The following MAN2A1 variants were observed in gnomAD, a reference collection of about 807,000 sequenced individuals.
MAN2A1 encodes alpha-mannosidase 2.
A neutral mutation model predicts 142.6 loss-of-function variants in MAN2A1; 76 were observed. The ratio of observed to expected loss-of-function variants is 0.53; its 90% CI spans 0.44 to 0.65. The LOEUF (loss-of-function observed/expected upper bound fraction) is 0.65. Ranked by LOEUF, MAN2A1 falls within the 30% of genes least tolerant of loss-of-function variation. The probability of loss-of-function intolerance (pLI) is 0.00; values close to 1 mark genes in which losing one functional copy is unlikely to be tolerated. For synonymous variants in MAN2A1, 559 were observed against 473.2 expected, an observed-to-expected ratio of 1.18 and a Z score of -2.35; for missense variants, 1,311 against 1,365.1, an observed-to-expected ratio of 0.96 and a Z score of 0.62.
Position 109,789,457 on chromosome 5 carries a change from T to C in MAN2A1, c.1876-3T>C. ...ATTAAAAAATTACTGTTCATTTTTA[T>C]AGGATTTGAAACAAAAATCACAAGA... On this transcript the variant is annotated splice_polypyrimidine_tract_variant and splice_region_variant and intron_variant, in intron 11 of 21. Coordinates refer to ENST00000261483, the MANE Select transcript of MAN2A1 (RefSeq NM_002372.4). 6.4e-7 allele frequency: 1 copy of C among 1,555,942 alleles called. No homozygotes were observed. The highest frequency in any genetic ancestry group is 8.8e-7 in the Non-Finnish European group (1 of 1,138,668).
At chr5:109,826,893 G>A (rs1442703637) in intron 16 of MAN2A1, among the ~76,000 whole-genome samples, 3 of 152,242 alleles carry the variant, frequency 2.0e-5, no homozygotes, top group Non-Finnish European at 4.4e-5. Flanking sequence ...TGATCAAAAT[G>A]CATAGACAAA....
At chr5:109,711,301 G>A (rs118137454) in intron 1 of MAN2A1, among the ~76,000 whole-genome samples, 31 of 152,302 alleles carry the variant, frequency 2.0e-4, no homozygotes, top group East Asian at 1.9e-3. Context: ...TGTATCTTCA[G>A]TATTGGAATT....
Position 109,716,264 on chromosome 5 carries a change from G to A in MAN2A1, c.535G>A (p.Gly179Ser), listed in dbSNP as rs745711699. The A allele has an allele frequency of 6.3e-7, 1 of 1,595,676 alleles. No individual in the cohort carries two copies. The highest frequency in any genetic ancestry group is 8.5e-7 in the Non-Finnish European group (1 of 1,171,574). The change falls in exon 3 of 22, where the codon GGT (glycine) becomes AGT (serine). Residue 179 changes from glycine to serine, a missense_variant and splice_region_variant. This residue lies in a region of MAN2A1 where 409 missense variants were observed against 412.7 expected (regional missense o/e 0.99). Transcript: ENST00000261483. ...GGTGCCTCATTCCCATAACGACCCA[G>A]GTAAAATTTGCACTTCAAAAAGACA... The part of the protein sequence containing the change: ...FVVPHSHNDP[G>S]WLKTFNDYFR...
At position 109,710,108 on chromosome 5, in the gene MAN2A1, AT is replaced by A. The variant is rs1751253559; in HGVS notation, c.136-3410del. Among the ~76,000 whole-genome samples the A allele has an allele frequency of 2.0e-5, 3 of 152,172 alleles. No individual in the cohort carries two copies. In the South Asian group the frequency reaches 6.2e-4, roughly 31 times the overall value. On this transcript the variant is annotated intron_variant, in intron 1 of 21. Transcript: ENST00000261483. ...TTTTAAAAATGATGTTCTTTAGACC[AT>A]TGTGTGCATATATCCCTAGGCCATA...
chr5:109,694,509 C>A (rs1750757446), intron 1 of MAN2A1, among the ~76,000 whole-genome samples: 1 of 151,978 alleles, frequency 6.6e-6, no homozygotes, highest in Admixed American at 6.6e-5. Flanking sequence ...CTGTGCCCAG[C>A]CAGTTTTAAA....
At chr5:109,770,660 T>A in intron 7 of MAN2A1, 119 bp downstream of exon 7, 4 of 899,252 alleles carry the variant, frequency 4.4e-6, no homozygotes, top group Non-Finnish European at 6.7e-6. Flanking sequence ...TTTGAAGTAT[T>A]CATTCAAACC....
At chr5:109,701,663 T>C (rs1463690844) in intron 1 of MAN2A1, among the ~76,000 whole-genome samples, 3 of 152,266 alleles carry the variant, frequency 2.0e-5, no homozygotes, top group South Asian at 4.1e-4. Flanking sequence ...TGAGGTAATA[T>C]AGACATAAGG....
intron 19 of MAN2A1, among the ~76,000 whole-genome samples, chr5:109,848,489 C>A (rs931248176): frequency 4.6e-5 from 7 of 152,186 alleles, no homozygotes; most frequent in Non-Finnish European, 2.9e-5. Flanking sequence ...AGCCAGTGAT[C>A]GTACCTTTCA....
chr5:109,703,482 A>G (rs985494563), intron 1 of MAN2A1, among the ~76,000 whole-genome samples: 1 of 152,242 alleles, frequency 6.6e-6, no homozygotes, highest in Non-Finnish European at 1.5e-5. Context: ...CTGAAAGCAT[A>G]TCACATGAAC....
intron 3 of MAN2A1, among the ~76,000 whole-genome samples, chr5:109,717,999 G>A (rs907063806): frequency 6.6e-6 from 1 of 152,146 alleles, no homozygotes; most frequent in Admixed American, 6.5e-5. Flanking sequence ...GATCTAGATG[G>A]CTTATGGCAC....
chr5:109,826,969 T>C (rs996047172), intron 16 of MAN2A1, among the ~76,000 whole-genome samples: 1 of 152,242 alleles, frequency 6.6e-6, no homozygotes, highest in African/African-American at 2.4e-5. Context: ...TAGATTGGCT[T>C]TTAGCTAGTA....
intron 4 of MAN2A1, among the ~76,000 whole-genome samples, chr5:109,753,385 G>GT (rs1405197065): frequency 5.9e-5 from 9 of 152,234 alleles, no homozygotes; most frequent in South Asian, 2.1e-4. Flanking sequence ...AAAGAAGGGC[G>GT]TTTTTTAGAA....
At chr5:109,779,937 C>T (rs1382301591) in intron 8 of MAN2A1, among the ~76,000 whole-genome samples, 3 of 152,148 alleles carry the variant, frequency 2.0e-5, no homozygotes, top group African/African-American at 7.2e-5. Flanking sequence ...AACTAGATTA[C>T]AGTCACTTAT....
Position 109,797,352 on chromosome 5 carries a change from C to T in MAN2A1, c.1943+7825C>T, listed in dbSNP as rs1018015206. ...GTGAAACACTGAAACAAAAAGATGACAAAAAATGAAAATGAAAATATTTGG... is the reference window on the plus strand; with the variant it reads ...GTGAAACACTGAAACAAAAAGATGATAAAAAATGAAAATGAAAATATTTGG... On this transcript the variant is annotated intron_variant, in intron 12 of 21. Transcript: ENST00000261483. Among the ~76,000 whole-genome samples the T allele has an allele frequency of 2.0e-5, 3 of 151,342 alleles. No homozygotes were observed. The East Asian group carries it at 5.8e-4, about 29-fold the overall frequency.
chr5:109,749,069 G>T (rs1443329734), intron 4 of MAN2A1, among the ~76,000 whole-genome samples: 1 of 151,998 alleles, frequency 6.6e-6, no homozygotes. Flanking sequence ...ATGTCATCTT[G>T]TATTATTTCC....
At chr5:109,718,015 AT>A (rs895252750) in intron 3 of MAN2A1, among the ~76,000 whole-genome samples, 13 of 152,160 alleles carry the variant, frequency 8.5e-5, no homozygotes, top group African/African-American at 3.1e-4. Flanking sequence ...GGCACTGCAG[AT>A]TTTTTTTCTC....
intron 16 of MAN2A1, among the ~76,000 whole-genome samples, chr5:109,824,141 A>G (rs1754700493): frequency 6.6e-6 from 1 of 152,186 alleles, no homozygotes; most frequent in African/African-American, 2.4e-5. Flanking sequence ...TTTTGATTTT[A>G]TGAAATGGAA....
intron 1 of MAN2A1, among the ~76,000 whole-genome samples, chr5:109,711,115 C>T (rs900240217): frequency 3.9e-5 from 6 of 152,254 alleles, no homozygotes; most frequent in African/African-American, 9.6e-5. Flanking sequence ...CATGAGCCAC[C>T]GTGCCCGGAC....
intron 4 of MAN2A1, among the ~76,000 whole-genome samples, chr5:109,731,086 A>G (rs1000786151): frequency 3.3e-5 from 5 of 152,154 alleles, no homozygotes; most frequent in Non-Finnish European, 7.4e-5. Flanking sequence ...TTTAGTTATT[A>G]TGGATACATA....
Sources: gnomAD v4.1 joint callset for allele counts (sites outside exome capture counted in the v4.1 genomes callset) on GRCh38, gnomAD v4.1.1 for gene constraint, gnomAD v4.1.1 regional missense constraint, MANE v1.5 for transcripts, NCBI Gene and HGNC (gene_info 2026-07-23, HGNC 2026-07-21) for gene names.